NTM: variants seen among roughly 807,000 people sequenced by gnomAD.
The protein encoded by NTM is IgLON family member 2.
Under a neutral mutation model 42.1 loss-of-function variants are expected in NTM, and 13 were observed. That is an observed-to-expected ratio of 0.31 (90% CI 0.20 to 0.49). NTM has a LOEUF of 0.49. Ranked by LOEUF, NTM falls within the 20% of genes least tolerant of loss-of-function variation. NTM has a pLI of 0.99. For synonymous variants in NTM, 187 were observed against 179.2 expected (o/e 1.04, Z -0.35); for missense variants, 373 against 452.8 (o/e 0.82, Z 1.60).
chr11:132,120,236 A>C (rs977641015), intron 2 of NTM, among the ~76,000 whole-genome samples: 4 of 152,152 alleles, frequency 2.6e-5, no homozygotes, highest in African/African-American at 9.7e-5. Context: ...GGCTCCTTCA[A>C]ATGTAGACGT....
chr11:132,043,968 G>GTGTGTC (rs2077547480), intron 2 of NTM, among the ~76,000 whole-genome samples: 1 of 139,706 alleles, frequency 7.2e-6, no homozygotes, highest in Non-Finnish European at 1.6e-5. Flanking sequence ...ATGTGTGTGT[G>GTGTGTC]TGTGTGTGTG....
At chr11:132,169,552 G>C (rs2075835921) in intron 3 of NTM, among the ~76,000 whole-genome samples, 1 of 151,646 alleles carries the variant, frequency 6.6e-6, no homozygotes, top group African/African-American at 2.4e-5. Context: ...AGCCAGGATG[G>C]TCTTGATCCC....
At chr11:131,838,391 C>T (rs1408398395) in intron 1 of NTM, among the ~76,000 whole-genome samples, 2 of 152,154 alleles carry the variant, frequency 1.3e-5, no homozygotes, top group African/African-American at 2.4e-5. Context: ...GGGTAGCAGA[C>T]GTTAAAAGGT....
intron 2 of NTM, among the ~76,000 whole-genome samples, chr11:132,120,842 G>C (rs2064691272): frequency 6.6e-6 from 1 of 152,146 alleles, no homozygotes; most frequent in South Asian, 2.1e-4. Flanking sequence ...GGTGCCTCTT[G>C]GTAGAGTATG....
At position 131,747,986 on chromosome 11, in the gene NTM, T is replaced by C. The variant is rs371919384; in HGVS notation, c.83-163578T>C. 2.2e-4 allele frequency among the ~76,000 whole-genome samples: 33 copies of C among 152,302 alleles called. No homozygotes were observed. In the East Asian group the frequency reaches 5.2e-3, roughly 24 times the overall value. ...CCGGGCACCACATAGCACCTGCCATTGTGCATTGTGACTTCAGTATTACCT... is the reference window on the plus strand; with the variant it reads ...CCGGGCACCACATAGCACCTGCCATCGTGCATTGTGACTTCAGTATTACCT... On this transcript the variant is annotated intron_variant, in intron 1 of 8. Coordinates refer to ENST00000683400, the MANE Select transcript of NTM (RefSeq NM_001352005.2).
chr11:131,910,708 C>G (rs899610673), intron 1 of NTM: 1 of 397,918 alleles, frequency 2.5e-6, no homozygotes, highest in Non-Finnish European at 3.4e-6. Flanking sequence ...GCCGCGCCTT[C>G]CCCAGCGAGC....
Position 131,862,660 on chromosome 11 carries a change from A to G in NTM, c.83-48904A>G, listed in dbSNP as rs535947596. On this transcript the variant is annotated intron_variant, in intron 1 of 8. Transcript: ENST00000683400. ...AGATTTTTGCTCACATTGGAGTTGT[A>G]AAGGACTTTCATGTTCCTCTTATAG... Among the ~76,000 whole-genome samples, 18 of 152,364 alleles carry G rather than the reference A, an allele frequency of 1.2e-4. No individual in the cohort carries two copies. In the South Asian group the frequency reaches 1.9e-3, roughly 16 times the overall value.
intron 1 of NTM, among the ~76,000 whole-genome samples, chr11:131,857,755 G>T (rs972873405): frequency 2.0e-5 from 3 of 152,000 alleles, no homozygotes; most frequent in Non-Finnish European, 4.4e-5. Context: ...ATTATTTCTT[G>T]TTTAGTCTAT....
At chr11:131,564,465 A>G (rs373629288) in intron 1 of NTM, among the ~76,000 whole-genome samples, 3,447 of 150,890 alleles carry the variant, frequency 0.023, 126 homozygotes, top group African/African-American at 0.078. Flanking sequence ...AGGGAGGGAG[A>G]GAGAGAGAGC....
chr11:131,640,597 C>T (rs2065013327), intron 1 of NTM, among the ~76,000 whole-genome samples: 1 of 152,132 alleles, frequency 6.6e-6, no homozygotes. Flanking sequence ...ACTTCGAGTC[C>T]AGAGGCCACA....
At chr11:132,106,818 G>A (rs969652700) in intron 2 of NTM, among the ~76,000 whole-genome samples, 1 of 152,282 alleles carries the variant, frequency 6.6e-6, no homozygotes, top group Middle Eastern at 3.4e-3. Flanking sequence ...ACTCTTCGCT[G>A]CCTGTGAAAA....
intron 1 of NTM, among the ~76,000 whole-genome samples, chr11:131,847,142 A>C (rs1293446414): frequency 6.6e-6 from 1 of 152,164 alleles, no homozygotes; most frequent in East Asian, 1.9e-4. Context: ...AGGAATAATA[A>C]TTATATCCCC....
intron 8 of NTM, among the ~76,000 whole-genome samples, chr11:132,333,476 T>A (rs1175131353): frequency 6.6e-6 from 1 of 152,146 alleles, no homozygotes; most frequent in Non-Finnish European, 1.5e-5. Flanking sequence ...CACATAGTAG[T>A]TAGATTCTAG....
At chr11:131,577,633 T>A (rs2058050237) in intron 1 of NTM, among the ~76,000 whole-genome samples, 1 of 152,236 alleles carries the variant, frequency 6.6e-6, no homozygotes. Context: ...TGGCTAGAGT[T>A]GTGCCTGCTC....
chr11:131,573,284 T>C (rs2057626193), intron 1 of NTM, among the ~76,000 whole-genome samples: 1 of 151,474 alleles, frequency 6.6e-6, no homozygotes, highest in Non-Finnish European at 1.5e-5. Context: ...TTATTTGTCA[T>C]TGTGTCCCTA....
intron 2 of NTM, among the ~76,000 whole-genome samples, chr11:132,022,496 G>A (rs1277730407): frequency 6.6e-6 from 1 of 152,122 alleles, no homozygotes; most frequent in Non-Finnish European, 1.5e-5. Flanking sequence ...TTAGTCCCAC[G>A]TGGCCCTGCA....
intron 1 of NTM, among the ~76,000 whole-genome samples, chr11:131,506,987 C>T (rs1478582136): frequency 6.6e-6 from 1 of 152,154 alleles, no homozygotes; most frequent in Non-Finnish European, 1.5e-5. Flanking sequence ...ACATAGATAT[C>T]TCATGTGCAG....
chr11:132,275,112 G>C (rs1398376110), intron 4 of NTM, among the ~76,000 whole-genome samples: 1 of 151,882 alleles, frequency 6.6e-6, no homozygotes, highest in East Asian at 1.9e-4. Flanking sequence ...AAGATCTTTG[G>C]CTACCCTAAG....
Position 132,052,994 on chromosome 11 carries a change from G to A in NTM, c.168-93288G>A, listed in dbSNP as rs368870243. ...ACAACAACAACAAAATACTGCTTTT[G>A]TAGTGCTACCCATCTTGTTTGTACA... On this transcript the variant is annotated intron_variant, in intron 2 of 8. Coordinates refer to ENST00000683400, the MANE Select transcript of NTM (RefSeq NM_001352005.2). Among the ~76,000 whole-genome samples the A allele has an allele frequency of 2.0e-5, 3 of 152,184 alleles. No homozygotes were observed. The East Asian group carries it at 5.8e-4, about 29-fold the overall frequency.
Sources: allele counts gnomAD v4.1 joint callset (sites outside exome capture counted in the v4.1 genomes callset), GRCh38; gene constraint gnomAD v4.1.1; transcripts MANE v1.5; gene names NCBI Gene and HGNC (gene_info 2026-07-23, HGNC 2026-07-21).